ANO5: variants seen among roughly 807,000 people sequenced by gnomAD.
ANO5 encodes the protein anoctamin 5.
ANO5 carries 109 observed loss-of-function variants against 121.0 expected under a neutral mutation model. The observed-to-expected ratio is 0.90, with a 90% confidence interval of 0.77 to 1.06. ANO5 has a LOEUF of 1.06. Among genes scored for constraint, ANO5 ranks in the 50% least tolerant of loss-of-function variants. ANO5 has a pLI of 0.00. For missense variants in ANO5, 1,064 were observed against 1,078.5 expected (o/e 0.99, Z 0.19); for synonymous variants, 406 against 359.9 (o/e 1.13, Z -1.45).
intron 17 of ANO5, among the ~76,000 whole-genome samples, chr11:22,267,621 CTTTT>C (rs202229854): frequency 3.3e-5 from 2 of 60,308 alleles, no homozygotes; most frequent in Admixed American, 2.6e-4. Flanking sequence ...CAATCTCTCT[CTTTT>C]TTTTTAACTG....
intron 2 of ANO5, among the ~76,000 whole-genome samples, chr11:22,209,694 A>G (rs531291095): frequency 1.3e-5 from 2 of 152,016 alleles, no homozygotes; most frequent in African/African-American, 4.8e-5. Flanking sequence ...TGAGACAATG[A>G]CATACTCAGC....
chr11:22,278,989 C>G (rs1854973570), intron 21 of ANO5, among the ~76,000 whole-genome samples: 1 of 151,628 alleles, frequency 6.6e-6, no homozygotes, highest in Admixed American at 6.6e-5. Context: ...CAGCTGCTTC[C>G]AGGGTATAGC....
chr11:22,192,965 G>T (rs1457418452), upstream of ANO5: 1 of 984,732 alleles, frequency 1.0e-6, no homozygotes, highest in Non-Finnish European at 1.2e-6. Context: ...GCCGGGGGGC[G>T]GGGAGATGGC....
chr11:22,276,577 C>A (rs1299715961), intron 21 of ANO5, among the ~76,000 whole-genome samples: 1 of 151,718 alleles, frequency 6.6e-6, no homozygotes, highest in Non-Finnish European at 1.5e-5. Flanking sequence ...GAAAAGGAAT[C>A]TGAGATTCAG....
At chr11:22,250,184 C>G (rs1190822222) in intron 9 of ANO5, 53 bp from the exon 10 acceptor site, 8 of 1,494,472 alleles carry the variant, frequency 5.4e-6, no homozygotes, top group Non-Finnish European at 7.4e-6. Flanking sequence ...AATCAAGGCT[C>G]CAGACTATAA....
intron 7 of ANO5, among the ~76,000 whole-genome samples, chr11:22,228,312 G>GA (rs1455306874): frequency 1.3e-5 from 2 of 151,460 alleles, no homozygotes; most frequent in East Asian, 1.9e-4. Context: ...CTTTCAGAGG[G>GA]AAAAAAATAA....
chr11:22,234,560 G>T (rs1311778984), intron 7 of ANO5, among the ~76,000 whole-genome samples: 1 of 152,072 alleles, frequency 6.6e-6, no homozygotes, highest in Non-Finnish European at 1.5e-5. Context: ...GTTATAACAA[G>T]TTAGTATGAG....
rs577345684 is a variant in ANO5 at position 22,214,838 on chromosome 11, A to G, written c.139-3408A>G. On this transcript the variant is annotated intron_variant, in intron 3 of 21. Transcript: ENST00000324559. ...AATATCACTGGATATGTTTTTGGGT[A>G]AAAAAATGGAGTCTTGCGGTTCCTA... 2.6e-5 allele frequency among the ~76,000 whole-genome samples: 4 copies of G among 152,034 alleles called. No individual in the cohort carries two copies. In the East Asian group the frequency reaches 5.8e-4, roughly 22 times the overall value.
intron 20 of ANO5, 65 bp from the exon 21 acceptor site, chr11:22,276,029 G>A: frequency 1.9e-6 from 2 of 1,077,582 alleles, no homozygotes; most frequent in Non-Finnish European, 2.8e-6. Flanking sequence ...AATTATGTGA[G>A]GTCTCTCTAG....
intron 1 of ANO5, among the ~76,000 whole-genome samples, chr11:22,201,750 T>C (rs971528474): frequency 2.6e-5 from 4 of 152,180 alleles, no homozygotes; most frequent in African/African-American, 7.2e-5. Flanking sequence ...AAATCCATTC[T>C]TGCTATTACA....
intron 7 of ANO5, among the ~76,000 whole-genome samples, chr11:22,230,677 C>T (rs1422870965): frequency 6.6e-6 from 1 of 151,948 alleles, no homozygotes; most frequent in African/African-American, 2.4e-5. Flanking sequence ...GTCCTCCTGA[C>T]TATCAGTACC....
chr11:22,211,440 A>T, intron 3 of ANO5, 126 bp downstream of exon 3: 1 of 1,167,480 alleles, frequency 8.6e-7, no homozygotes, highest in East Asian at 2.4e-5. Context: ...GTATTTGAGA[A>T]TATATTACTT....
upstream of ANO5, chr11:22,193,031 C>T: frequency 9.8e-7 from 1 of 1,017,146 alleles, no homozygotes; most frequent in South Asian, 3.7e-5. Flanking sequence ...GGGAAAGAGG[C>T]GTGGAAACAG....
chr11:22,242,640 A>T (rs1468819614), intron 9 of ANO5, among the ~76,000 whole-genome samples: 1 of 151,852 alleles, frequency 6.6e-6, no homozygotes, highest in African/African-American at 2.4e-5. Context: ...TAGATATTTC[A>T]TTTTTTGTGG....
chr11:22,204,000 T>C, intron 2 of ANO5, 150 bp downstream of exon 2: 2 of 522,264 alleles, frequency 3.8e-6, no homozygotes, highest in South Asian at 5.3e-5. Context: ...GCAAGTTCCA[T>C]GTTCCATGCA....
chr11:22,236,189 T>G lies in ANO5; in HGVS notation c.675T>G (p.Pro225=). The change falls in exon 8 of 22, where the codon CCT becomes CCG. Residue 225 remains proline (P), a synonymous_variant. Transcript: ENST00000324559. The part of the protein sequence containing the change: ...RIVYYILSRC[P]FGIEDGKKRF... ...TGTACTATATTCTCTCAAGATGTCC[T>G]TTTGGCATAGAAGATGGGAAGAAAA... The G allele has an allele frequency of 6.2e-7, 1 of 1,612,930 alleles. No homozygotes were observed. The highest frequency in any genetic ancestry group is 8.5e-7 in the Non-Finnish European group (1 of 1,179,192).
intron 8 of ANO5, among the ~76,000 whole-genome samples, chr11:22,238,139 T>C (rs1853289580): frequency 6.6e-6 from 1 of 152,098 alleles, no homozygotes; most frequent in Non-Finnish European, 1.5e-5. Flanking sequence ...AATTTTTTTT[T>C]CCTGGGGCAA....
In ANO5 at chr11:22,282,344, A is replaced by G. The variant is rs1855112826; in HGVS notation, c.*2579A>G. ...CACAGGAAGCAAAATCTACTTCAAG[A>G]CATTTATTTTAGAGGAATCCATTAA... On this transcript the variant is annotated 3_prime_UTR_variant, in exon 22 of 22. Coordinates refer to ENST00000324559, the MANE Select transcript of ANO5 (RefSeq NM_213599.3). 6.6e-6 allele frequency: 1 copy of G among 152,166 alleles called. No individual in the cohort carries two copies. The highest frequency in any genetic ancestry group is 2.4e-5 in the African/African-American group (1 of 41,446). 9.4% of individuals were successfully genotyped at this position (152,166 alleles called of 1,614,324 possible).
chr11:22,278,198 T>A (rs1854937536), intron 21 of ANO5, among the ~76,000 whole-genome samples: 1 of 151,680 alleles, frequency 6.6e-6, no homozygotes, highest in Non-Finnish European at 1.5e-5. Flanking sequence ...GATTCTGTCA[T>A]TAGCCCCATT....
Sources: gnomAD v4.1 joint callset for allele counts (sites outside exome capture counted in the v4.1 genomes callset) on GRCh38, gnomAD v4.1.1 for gene constraint, MANE v1.5 for transcripts, NCBI Gene and HGNC (gene_info 2026-07-23, HGNC 2026-07-21) for gene names.